Variants in VDAC1 observed in about 807,000 individuals in gnomAD.
VDAC1 encodes the protein voltage dependent anion channel 1.
Under a neutral mutation model 34.7 loss-of-function variants are expected in VDAC1, and 10 were observed. That is an observed-to-expected ratio of 0.29 (90% confidence interval 0.18 to 0.49). The LOEUF (loss-of-function observed/expected upper bound fraction) is 0.49, where lower values mean the gene tolerates loss of function less well. VDAC1 is among the 20% of genes least tolerant of loss of function. The pLI is 0.99. For missense variants in VDAC1, 230 were observed against 347.9 expected (o/e 0.66, Z 2.69); for synonymous variants, 130 against 136.0 (o/e 0.96, Z 0.30).
chr5:134,077,591 A>C, the VDAC1 span, among the ~76,000 whole-genome samples: 4 of 152,196 alleles, frequency 2.6e-5, no homozygotes, highest in South Asian at 8.3e-4. Flanking sequence ...ATCGGAACTA[A>C]TGTGTGTCCA....
chr5:134,102,587 G>A, the VDAC1 span, among the ~76,000 whole-genome samples: 1 of 152,156 alleles, frequency 6.6e-6, no homozygotes, highest in Non-Finnish European at 1.5e-5. Flanking sequence ...AGAATCGCTT[G>A]AACCCGGGAG....
chr5:133,994,910 C>G (rs1050624323), intron 1 of VDAC1, among the ~76,000 whole-genome samples: 10 of 152,104 alleles, frequency 6.6e-5, no homozygotes, highest in African/African-American at 2.2e-4. Context: ...CTCCCTGGAC[C>G]TTAGGAGCCA....
the VDAC1 span, among the ~76,000 whole-genome samples, chr5:134,094,813 C>A: frequency 2.0e-5 from 3 of 152,140 alleles, no homozygotes; most frequent in Non-Finnish European, 2.9e-5. Context: ...CTGCCCTGGG[C>A]CCCACAGCTG....
At chr5:134,051,383 C>A in the VDAC1 span, among the ~76,000 whole-genome samples, 1 of 152,332 alleles carries the variant, frequency 6.6e-6, no homozygotes, top group Non-Finnish European at 1.5e-5. Context: ...GTTAGGGCAA[C>A]CAGACTAACC....
chr5:134,102,592 C>G, the VDAC1 span, among the ~76,000 whole-genome samples: 5 of 152,002 alleles, frequency 3.3e-5, no homozygotes, highest in Admixed American at 2.0e-4. Context: ...CGCTTGAACC[C>G]GGGAGGTGGA....
the VDAC1 span, among the ~76,000 whole-genome samples, chr5:134,039,743 A>G: frequency 6.6e-6 from 1 of 152,168 alleles, no homozygotes; most frequent in African/African-American, 2.4e-5. Flanking sequence ...AAGCTGACCA[A>G]AGAAGCGAGA....
chr5:134,029,902 A>G, the VDAC1 span, among the ~76,000 whole-genome samples: 1 of 152,222 alleles, frequency 6.6e-6, no homozygotes, highest in Non-Finnish European at 1.5e-5. Flanking sequence ...ATACACACAC[A>G]TTGTACTAAC....
intron 1 of VDAC1, among the ~76,000 whole-genome samples, chr5:134,002,911 A>G (rs2127031208): frequency 6.6e-6 from 1 of 151,552 alleles, no homozygotes; most frequent in Non-Finnish European, 1.5e-5. Flanking sequence ...AGCTGCCATG[A>G]GCCGTTATGG....
chr5:134,063,560 T>G, the VDAC1 span, among the ~76,000 whole-genome samples: 1 of 152,238 alleles, frequency 6.6e-6, no homozygotes, highest in South Asian at 2.1e-4. Flanking sequence ...TGTATTTTGC[T>G]GCTTGCTGGG....
chr5:134,081,010 G>C, the VDAC1 span, among the ~76,000 whole-genome samples: 1 of 151,352 alleles, frequency 6.6e-6, no homozygotes, highest in Non-Finnish European at 1.5e-5. Flanking sequence ...CAAGTAGCTT[G>C]GATTACAGGT....
chr5:134,078,328 G>T, the VDAC1 span, among the ~76,000 whole-genome samples: 1 of 152,230 alleles, frequency 6.6e-6, no homozygotes, highest in Admixed American at 6.5e-5. Flanking sequence ...GGACAGGGGG[G>T]AGGCGAGGGA....
the VDAC1 span, among the ~76,000 whole-genome samples, chr5:134,020,571 C>T: frequency 6.6e-6 from 1 of 152,142 alleles, no homozygotes; most frequent in Non-Finnish European, 1.5e-5. Context: ...TCATAAGGCC[C>T]TGGGCCATAT....
rs539453839 is a variant in VDAC1 at position 133,994,487 on chromosome 5, G to C, written c.-6-1469C>G. ...CAGCCCACATTAGTATCAGGGTAGA[G>C]AGATGAGGGGGGAAGATCCATTTTA... On this transcript the variant is annotated intron_variant, in intron 1 of 8. Coordinates refer to ENST00000265333, the MANE Select transcript of VDAC1 (RefSeq NM_003374.3). Among the ~76,000 whole-genome samples, 3 of 152,272 alleles carry C rather than the reference G, an allele frequency of 2.0e-5. No individual in the cohort carries two copies. In the South Asian group the frequency reaches 6.2e-4, roughly 32 times the overall value.
the VDAC1 span, among the ~76,000 whole-genome samples, chr5:134,063,314 A>G: frequency 6.6e-6 from 1 of 152,314 alleles, no homozygotes; most frequent in Non-Finnish European, 1.5e-5. Context: ...GACTACCACA[A>G]TGTATTTAGG....
At chr5:134,006,508 C>T (rs1017872596), upstream of VDAC1, among the ~76,000 whole-genome samples, 3 of 151,832 alleles carry the variant, frequency 2.0e-5, no homozygotes, top group Non-Finnish European at 4.4e-5. Context: ...TTTGGGAGGC[C>T]GAGACAGGCA....
At chr5:134,069,583 G>A in the VDAC1 span, among the ~76,000 whole-genome samples, 6 of 152,220 alleles carry the variant, frequency 3.9e-5, no homozygotes, top group South Asian at 2.1e-4. Flanking sequence ...CATCAGACCC[G>A]GAGCCTCTAG....
chr5:134,042,674 G>T, the VDAC1 span, among the ~76,000 whole-genome samples: 2 of 152,008 alleles, frequency 1.3e-5, no homozygotes, highest in African/African-American at 2.4e-5. Flanking sequence ...TTCTATTTTC[G>T]TAGAGATGGG....
At chr5:134,040,119 G>A in the VDAC1 span, among the ~76,000 whole-genome samples, 1 of 152,208 alleles carries the variant, frequency 6.6e-6, no homozygotes, top group Non-Finnish European at 1.5e-5. Flanking sequence ...AGACCCCTGA[G>A]GTTAGCACTC....
the VDAC1 span, among the ~76,000 whole-genome samples, chr5:134,073,002 G>A: frequency 6.6e-6 from 1 of 152,150 alleles, no homozygotes; most frequent in Non-Finnish European, 1.5e-5. Flanking sequence ...CTCACTGCAC[G>A]GGGGTGGGCG....
Sources: gnomAD v4.1 joint callset for allele counts (sites outside exome capture counted in the v4.1 genomes callset) on GRCh38, gnomAD v4.1.1 for gene constraint, MANE v1.5 for transcripts, NCBI Gene and HGNC (gene_info 2026-07-23, HGNC 2026-07-21) for gene names.